ZBTB46: variants seen among roughly 807,000 people sequenced by gnomAD.
ZBTB46 encodes zinc finger and BTB domain-containing protein 46.
A neutral mutation model predicts 44.1 loss-of-function variants in ZBTB46; 8 were observed. The ratio of observed to expected loss-of-function variants is 0.18; its 90% confidence interval spans 0.11 to 0.33. The LOEUF is 0.33. Ranked by LOEUF, ZBTB46 falls within the 10% of genes least tolerant of loss-of-function variation. ZBTB46 has a pLI of 1.00. For synonymous variants in ZBTB46, 409 were observed against 382.3 expected, an observed-to-expected ratio of 1.07 and a Z score of -0.81; for missense variants, 651 against 847.7, an observed-to-expected ratio of 0.77 and a Z score of 2.88.
Position 63,780,577 on chromosome 20 carries a change from C to T in ZBTB46, c.938-4615G>A, listed in dbSNP as rs11696644. On this transcript the variant is annotated intron_variant, in intron 2 of 4. Coordinates refer to ENST00000245663, the MANE Select transcript of ZBTB46 (RefSeq NM_001369741.1). ...CAGCACTCTCGGAGGCTGAGGCGGG[C>T]GGATCACGAGGTCAGGAGTTCAAGA... Among the ~76,000 whole-genome samples the T allele has an allele frequency of 4.6e-3, 703 of 151,320 alleles. 4 individuals are homozygous for T. Among genetic ancestry groups the T allele is most frequent in the Non-Finnish European group, 6.7e-3 (453 of 67,756 alleles).
At chr20:63,774,702 T>G (rs2092407262) in intron 3 of ZBTB46, among the ~76,000 whole-genome samples, 1 of 144,030 alleles carries the variant, frequency 6.9e-6, no homozygotes, top group African/African-American at 2.5e-5. Context: ...TTTTTTGTTT[T>G]TTTTTTTGTT....
chr20:63,790,244 C>A lies in ZBTB46; in HGVS notation c.514G>T (p.Ala172Ser), dbSNP rs1179981713. 1.9e-6 allele frequency: 3 copies of A among 1,611,084 alleles called. No homozygotes were observed. The highest frequency in any genetic ancestry group is 2.5e-6 in the Non-Finnish European group (3 of 1,179,002). The change falls in exon 2 of 5, where the codon GCA becomes TCA. Residue 172 changes from alanine (A) to serine (S), a missense_variant. Ala to Ser is a moderately conservative substitution (Grantham distance 99). Transcript: ENST00000245663. ...GAATTGGCAGGACTCGTTCGCCGTG[C>A]CAGCCACGGGGAGATGCTCCTCCCA... ...MAGRSISPWL[A>S]RRTSPANSSG...
At chr20:63,809,237 G>A (rs1312233472) in intron 1 of ZBTB46, among the ~76,000 whole-genome samples, 1 of 128,048 alleles carries the variant, frequency 7.8e-6, no homozygotes, top group Non-Finnish European at 1.7e-5. Context: ...AGCCCTGGGG[G>A]CGCAGCCCTG....
chr20:63,822,040 C>T (rs2092795111), intron 1 of ZBTB46, among the ~76,000 whole-genome samples: 1 of 152,186 alleles, frequency 6.6e-6, no homozygotes. Context: ...CCTTTAACTT[C>T]CCCTATCTAA....
chr20:63,790,199 C>T lies in ZBTB46; in HGVS notation c.559G>A (p.Ala187Thr), dbSNP rs759577508. 41 of 1,613,030 alleles carry T rather than the reference C, an allele frequency of 2.5e-5. No homozygotes were observed. In the Middle Eastern group the frequency reaches 4.9e-4, roughly 19 times the overall value. The change falls in exon 2 of 5, where the codon GCC becomes ACC. Residue 187 changes from alanine (A) to threonine (T), a missense_variant. Around this residue, in one of 5 missense-constraint regions of ZBTB46, gnomAD observed 385 missense variants for 423.3 expected, o/e 0.91. Transcript: ENST00000245663. ...CTGCTCCCTCCGTCGTGACAGCTGG[C>T]GATGGCCGAGTCTCCGGAAGAATTG... ...PANSSGDSAI[A>T]SCHDGGSSYG...
At chr20:63,776,156 C>T (rs960603507) in intron 2 of ZBTB46, among the ~76,000 whole-genome samples, 194 bp from the exon 3 acceptor site, 1 of 152,384 alleles carries the variant, frequency 6.6e-6, no homozygotes, top group African/African-American at 2.4e-5. Context: ...CCTTTCCTGC[C>T]CACCCAGGTC....
At chr20:63,807,925 A>G (rs1568893573) in intron 1 of ZBTB46, among the ~76,000 whole-genome samples, 3 of 143,854 alleles carry the variant, frequency 2.1e-5, no homozygotes. Flanking sequence ...CCCACAGGGG[A>G]CACTCACGGA....
upstream of ZBTB46, among the ~76,000 whole-genome samples, chr20:63,832,573 G>A (rs1465046199): frequency 1.3e-5 from 2 of 152,210 alleles, no homozygotes; most frequent in Non-Finnish European, 2.9e-5. The surrounding 1 kb of genome is among the most constrained non-coding windows in gnomAD (Gnocchi z 5.0). Flanking sequence ...GGCGAAGCGA[G>A]GTGTGGCTGC....
At chr20:63,810,618 C>T (rs542103973) in intron 1 of ZBTB46, among the ~76,000 whole-genome samples, 1 of 152,102 alleles carries the variant, frequency 6.6e-6, no homozygotes, top group Non-Finnish European at 1.5e-5. Context: ...TGGTGGCACG[C>T]ACCTATAATC....
At chr20:63,751,208 A>G (rs996589600) in intron 4 of ZBTB46, among the ~76,000 whole-genome samples, 13 of 145,346 alleles carry the variant, frequency 8.9e-5, no homozygotes, top group African/African-American at 3.3e-4. Context: ...ATCCTCCGCT[A>G]CGGAAAACAA....
At position 63,775,841 on chromosome 20, in the gene ZBTB46, G is replaced by C. The variant is rs781281778; in HGVS notation, c.1059C>G (p.Leu353=). ...GGEASYLGPP[L]TPEKDDALHQ... is the part of the protein sequence containing the mutation. ...GCAGGGCGTCGTCCTTCTCTGGGGT[G>C]AGGGGAGGGCCCAGATAGCTGGCTT... The change falls in exon 3 of 5, where the codon CTC becomes CTG. Residue 353 remains leucine (L), a synonymous_variant. Transcript: ENST00000245663. 6.2e-7 allele frequency: 1 copy of C among 1,613,520 alleles called. No individual in the cohort carries two copies. Among genetic ancestry groups the C allele is most frequent in the East Asian group, 2.2e-5 (1 of 44,882 alleles).
chr20:63,811,602 G>C (rs1025287440), intron 1 of ZBTB46, among the ~76,000 whole-genome samples: 2 of 151,956 alleles, frequency 1.3e-5, no homozygotes, highest in African/African-American at 4.8e-5. Context: ...GCAGACAACT[G>C]ACCCTGACCC....
In ZBTB46 at chr20:63,803,568, C is replaced by CCGGGCTGCCCAGGTCT; in HGVS notation, c.-33-12794_-33-12779dup. On this transcript the variant is annotated intron_variant, in intron 1 of 4. Transcript: ENST00000245663. This position sits in a 1 kb window ranked among gnomAD's most constrained non-coding sequence, Gnocchi z 4.0. ...CTGCCGGCCCCGGGCTGCCCAGGCC[C>CCGGGCTGCCCAGGTCT]CGGGCTGCCCAGGTCTCTGTCGGAG... The CCGGGCTGCCCAGGTCT allele has an allele frequency of 1.0e-6, 1 of 971,110 alleles. No individual in the cohort carries two copies. Among genetic ancestry groups the CCGGGCTGCCCAGGTCT allele is most frequent in the South Asian group, 4.7e-5 (1 of 21,068 alleles). The allele number at this position is 971,110 out of a possible 1,614,324, so 60.2% of individuals were successfully genotyped here.
intron 1 of ZBTB46, among the ~76,000 whole-genome samples, chr20:63,796,773 C>T (rs992848830): frequency 6.6e-6 from 1 of 151,764 alleles, no homozygotes; most frequent in Non-Finnish European, 1.5e-5. Context: ...TGCAGTGAGC[C>T]GAGATCATAC....
intron 3 of ZBTB46, among the ~76,000 whole-genome samples, chr20:63,772,083 C>CT (rs2092379984): frequency 6.7e-6 from 1 of 150,146 alleles, no homozygotes; most frequent in Non-Finnish European, 1.5e-5. Flanking sequence ...CAACCTCCTC[C>CT]TTCCAGGTTC....
chr20:63,830,363 G>T (rs980531164), intron 1 of ZBTB46, among the ~76,000 whole-genome samples: 3 of 151,728 alleles, frequency 2.0e-5, no homozygotes. Context: ...GACGCGGCTC[G>T]CAGCGGACCC....
At chr20:63,775,081 G>A (rs923849434) in intron 3 of ZBTB46, among the ~76,000 whole-genome samples, 6 of 152,188 alleles carry the variant, frequency 3.9e-5, no homozygotes, top group Admixed American at 6.5e-5. Flanking sequence ...AGCCCGACAC[G>A]CAGCAGTGGC....
rs138130679 is a variant in ZBTB46 at position 63,826,003 on chromosome 20, G to A, written c.-34+5094C>T. Among the ~76,000 whole-genome samples the A allele has an allele frequency of 3.2e-3, 490 of 152,168 alleles. 2 individuals carry two copies. Among genetic ancestry groups the A allele is most frequent in the African/African-American group, 0.011 (444 of 41,440 alleles). On this transcript the variant is annotated intron_variant, in intron 1 of 4. Coordinates refer to ENST00000245663, the MANE Select transcript of ZBTB46 (RefSeq NM_001369741.1). ...TCTCACAAAGGCAGCTGTCAACACCGGGAGTTCCTAAGCCCTCTGCACGTA... is the reference window on the plus strand; with the variant it reads ...TCTCACAAAGGCAGCTGTCAACACCAGGAGTTCCTAAGCCCTCTGCACGTA...
upstream of ZBTB46, among the ~76,000 whole-genome samples, chr20:63,831,830 C>A (rs1159547532): frequency 2.0e-5 from 3 of 151,592 alleles, no homozygotes; most frequent in Non-Finnish European, 4.4e-5. Flanking sequence ...GCAAACTTGG[C>A]GACTCCCCCA....
Sources: allele counts gnomAD v4.1 joint callset (sites outside exome capture counted in the v4.1 genomes callset), GRCh38; gene constraint gnomAD v4.1.1; regional missense constraint gnomAD v4.1.1; non-coding constraint Gnocchi (gnomAD v3.1); transcripts MANE v1.5; gene names NCBI Gene and HGNC (gene_info 2026-07-23, HGNC 2026-07-21).